Variants in TTN observed in about 807,000 individuals in gnomAD.
TTN encodes the protein titin.
Under a neutral mutation model 3,223.0 loss-of-function variants are expected in TTN, and 1,525 were observed. That is an observed-to-expected ratio of 0.47 (90% CI 0.45 to 0.49). The LOEUF (loss-of-function observed/expected upper bound fraction) is 0.49, where lower values mean the gene tolerates loss of function less well. TTN is among the 20% of genes least tolerant of loss of function. The pLI, the probability that TTN is intolerant of heterozygous loss-of-function variation, is 0.00. For synonymous variants in TTN, 14,094 were observed against 15,161.0 expected, an observed-to-expected ratio of 0.93 and a Z score of 5.17; for missense variants, 40,786 against 43,424.0, an observed-to-expected ratio of 0.94 and a Z score of 5.40.
Position 178,547,268 on chromosome 2 carries a change from A to G in TTN, c.94257T>C (p.His31419=), listed in dbSNP as rs375184682. The change falls in exon 340 of 363, where the codon CAT becomes CAC. Residue 31419 remains histidine (H), a synonymous_variant. Transcript: ENST00000589042. Reference sequence around the variant, plus strand: ...GAATAGACATGGCATTGGCAGACACATGGTAGACCTCAGGTCTGGTAGGAG... The same window carrying G: ...GAATAGACATGGCATTGGCAGACACGTGGTAGACCTCAGGTCTGGTAGGAG... ...PSAPTRPEVY[H]VSANAMSIRW... The G allele has an allele frequency of 1.9e-6, 3 of 1,613,382 alleles. No homozygotes were observed. Among genetic ancestry groups the G allele is most frequent in the African/African-American group, 2.7e-5 (2 of 74,910 alleles).
intron 57 of TTN, 22 bp downstream of exon 57, chr2:178,732,044 A>T: frequency 6.3e-7 from 1 of 1,590,766 alleles, no homozygotes; most frequent in Non-Finnish European, 8.6e-7. Context: ...TTGGCAACAC[A>T]AGAGGCAAAG....
At position 178,531,419 on chromosome 2, in the gene TTN, AT is replaced by A. The variant is rs1455514219; in HGVS notation, c.105195del (p.Ser35066HisfsTer17). On this transcript the variant is annotated frameshift_variant, in exon 358 of 363. Transcript: ENST00000589042. LOFTEE classifies it high-confidence loss of function. ...ELTRTEAYAV[S>X]SFKKTSEMEA... ...TCCATCTCAGATGTTTTCTTAAATG[AT>A]GAAACAGCATACGCCTCTGTTCTTG... is the stretch of plus-strand genomic sequence containing the variant. The A allele has an allele frequency of 6.2e-7, 1 of 1,613,976 alleles. No homozygotes were observed. The highest frequency in any genetic ancestry group is 1.3e-5 in the African/African-American group (1 of 75,042).
chr2:178,641,978 G>A (rs928208033), intron 219 of TTN, among the ~76,000 whole-genome samples: 9 of 151,264 alleles, frequency 5.9e-5, no homozygotes, highest in Non-Finnish European at 5.9e-5. Context: ...TGTTAGTTTA[G>A]AATATTATCA....
chr2:178,582,428 C>T lies in TTN; in HGVS notation c.66028G>A (p.Val22010Met), dbSNP rs759353605. The change falls in exon 314 of 363, where the codon GTG (valine) becomes ATG (methionine). Residue 22010 changes from valine to methionine, a missense_variant. Val to Met is a conservative substitution (Grantham distance 21). Transcript: ENST00000589042. ...TCCACGCTGCAGCTGGTGATAGGCA[C>T]AGTTGCAGAGACTTGAGCCCAGTTG... is the stretch of plus-strand genomic sequence containing the variant. Reference protein sequence around the residue: ...RPNWAQVSATVPITSCSVEKL... With the variant: ...RPNWAQVSATMPITSCSVEKL... 3.1e-6 allele frequency: 5 copies of T among 1,612,796 alleles called. No individual in the cohort carries two copies. Among genetic ancestry groups the T allele is most frequent in the Admixed American group, 1.7e-5 (1 of 59,926 alleles).
intron 41 of TTN, 97 bp from the exon 42 acceptor site, chr2:178,764,908 T>C (rs982479465): frequency 1.4e-6 from 2 of 1,425,492 alleles, no homozygotes; most frequent in South Asian, 1.3e-5. Context: ...TAGTTATACA[T>C]CCAGAGACAA....
Position 178,756,695 on chromosome 2 carries a change from G to C in TTN, c.10781C>G (p.Ser3594Cys), listed in dbSNP as rs753192483. The change falls in exon 46 of 363, where the codon TCT becomes TGT. Residue 3594 changes from serine to cysteine, a missense_variant. Physicochemically the swap from Ser to Cys is moderately radical, Grantham distance 112 (BLOSUM62 -1). Transcript: ENST00000589042. ...TTGAAATGACTTAATTTCCTTTTGA[G>C]ATATTTTGCTCTCCTCCTTTGTGAA... ...SSFTKEESKI[S>C]QKEIKSFQGS... The C allele has an allele frequency of 3.1e-6, 5 of 1,613,808 alleles. No individual in the cohort carries two copies. The Admixed American group carries it at 8.3e-5, about 27-fold the overall frequency.
In TTN at chr2:178,671,967, A is replaced by G; in HGVS notation, c.35227+4T>C. 12 of 1,590,304 alleles carry G rather than the reference A, an allele frequency of 7.5e-6. No individual in the cohort carries two copies. Among genetic ancestry groups the G allele is most frequent in the Non-Finnish European group, 9.4e-6 (11 of 1,174,058 alleles). ...ATTTGTAGTATTTGAAGAATTCCCT[A>G]TACCTTTAGGTGGAGCTTTTGGTTT... On this transcript the variant is annotated splice_donor_region_variant and intron_variant, in intron 155 of 362. Coordinates refer to ENST00000589042, the MANE Select transcript of TTN (RefSeq NM_001267550.2).
intron 40 of TTN, 129 bp downstream of exon 40, chr2:178,767,630 G>T: frequency 7.4e-7 from 1 of 1,353,720 alleles, no homozygotes; most frequent in Non-Finnish European, 1.0e-6. Flanking sequence ...TCTAAGCCAA[G>T]TAAGAATGAG....
rs974036901 is a variant in TTN, at chr2:178,741,493, C to G, written c.11740G>C (p.Glu3914Gln). Reference protein sequence around the residue: ...SAYLKINSKGEGHKDTETESA... With the variant: ...SAYLKINSKGQGHKDTETESA... ...TCTGTTTCAGTGTCTTTGTGACCCT[C>G]TCCTTTGGAATTAATTTTTAGATAG... The change falls in exon 48 of 363, where the codon GAG becomes CAG. Residue 3914 changes from glutamate (E) to glutamine (Q), a missense_variant. Glu to Gln is a conservative substitution (Grantham distance 29). Coordinates refer to ENST00000589042, the MANE Select transcript of TTN (RefSeq NM_001267550.2). The G allele has an allele frequency of 6.2e-7, 1 of 1,613,854 alleles. No individual in the cohort carries two copies. The highest frequency in any genetic ancestry group is 1.7e-5 in the Admixed American group (1 of 60,006).
Position 178,528,755 on chromosome 2 carries a change from G to C in TTN, c.106996C>G (p.Gln35666Glu), listed in dbSNP as rs750660824. Reference protein sequence around the residue: ...SGSDQTLTIKQASHRDEGILT... With the variant: ...SGSDQTLTIKEASHRDEGILT... Reference sequence around the variant, plus strand: ...ATTCCTTCATCTCTGTGACTGGCTTGCTTGATGGTTAGGGTCTGATCGCTG... The same window carrying C: ...ATTCCTTCATCTCTGTGACTGGCTTCCTTGATGGTTAGGGTCTGATCGCTG... The change falls in exon 360 of 363, where the codon CAA becomes GAA. Residue 35666 changes from glutamine (Q) to glutamate (E), a missense_variant. Transcript: ENST00000589042. 1.3e-5 allele frequency: 21 copies of C among 1,611,678 alleles called. No homozygotes were observed. Among genetic ancestry groups the C allele is most frequent in the African/African-American group, 4.0e-5 (3 of 74,876 alleles).
At chr2:178,778,414 A>ATGATACGGCGACCACCGAGATCTAC in intron 24 of TTN, 4 of 247,200 alleles carry the variant, frequency 1.6e-5, no homozygotes, top group Non-Finnish European at 1.6e-5. Flanking sequence ...TGAATTTGGA[A>ATGATACGGCGACCACCGAGATCTAC]ACAAAACAAA....
Position 178,616,819 on chromosome 2 carries a change from G to A in TTN, c.48070C>T (p.Pro16024Ser), listed in dbSNP as rs750357667. ...ATGCCCTTGTCTGAACGTTCACTTG[G>A]AGAAATGACAAGTTCGGCATAGGCA... ...LSAYAELVIS[P>S]SERSDKGIYT... is the part of the protein sequence containing the mutation. Residue 16024 changes from proline to serine, a missense_variant, in exon 256 of 363, where the codon CCA becomes TCA. Transcript: ENST00000589042. 2.5e-5 allele frequency: 40 copies of A among 1,612,640 alleles called. No individual in the cohort carries two copies. The highest frequency in any genetic ancestry group is 3.4e-5 in the Non-Finnish European group (40 of 1,179,170).
chr2:178,650,363 CT>C, intron 209 of TTN, 92 bp from the exon 210 acceptor site: 1 of 1,218,202 alleles, frequency 8.2e-7, no homozygotes, highest in Non-Finnish European at 1.1e-6. Context: ...ATCTTGATTT[CT>C]TCCTTTGTTT....
At chr2:178,768,962 A>G in intron 37 of TTN, 29 bp from the exon 38 acceptor site, 1 of 1,611,328 alleles carries the variant, frequency 6.2e-7, no homozygotes, top group Non-Finnish European at 8.5e-7. Flanking sequence ...AAAACACCCA[A>G]GGAGACTTTA....
Position 178,707,552 on chromosome 2 carries a change from G to A in TTN, c.29015C>T (p.Thr9672Ile), listed in dbSNP as rs769996978. The change falls in exon 100 of 363, where the codon ACT (threonine) becomes ATT (isoleucine). Residue 9672 changes from threonine (T) to isoleucine (I), a missense_variant. By Grantham distance (89) the Thr-to-Ile change is moderately conservative. Coordinates refer to ENST00000589042, the MANE Select transcript of TTN (RefSeq NM_001267550.2). ...CKASNVAGSD[T>I]TKSKVTIKDK... ...TTTAATGGTCACTTTTGATTTGGTA[G>A]TGTCACTTCCAGCCACATTTGAAGC... 98 of 1,613,344 alleles carry A rather than the reference G, an allele frequency of 6.1e-5. No homozygotes were observed. The highest frequency in any genetic ancestry group is 7.4e-5 in the Non-Finnish European group (87 of 1,179,560).
At position 178,775,822 on chromosome 2, in the gene TTN, G is replaced by C; in HGVS notation, c.6042C>G (p.Thr2014=). The change falls in exon 28 of 363, where the codon ACC becomes ACG. Residue 2014 remains threonine (T), a synonymous_variant. Transcript: ENST00000589042. ...RTEEGYYEAI[T]AVELKSRKKD... is the part of the protein sequence containing the mutation. ...TCTTTCGAGACTTGAGCTCCACAGC[G>C]GTAATGGCTTCATAATAGCCCTCTT... 6.2e-7 allele frequency: 1 copy of C among 1,613,932 alleles called. No individual in the cohort carries two copies. Among genetic ancestry groups the C allele is most frequent in the Non-Finnish European group, 8.5e-7 (1 of 1,179,956 alleles).
At position 178,732,621 on chromosome 2, in the gene TTN, T is replaced by G. The variant is rs763831832; in HGVS notation, c.16440A>C (p.Thr5480=). 6.2e-7 allele frequency: 1 copy of G among 1,613,382 alleles called. No homozygotes were observed. The highest frequency in any genetic ancestry group is 1.3e-5 in the African/African-American group (1 of 74,870). Residue 5480 remains threonine (T), a synonymous_variant, in exon 56 of 363, where the codon ACA becomes ACC. Coordinates refer to ENST00000589042, the MANE Select transcript of TTN (RefSeq NM_001267550.2). ...CTTTGTTGCCCTTAAACCATCTGAT[T>G]GTGAGAGGAGTAGATCCTTGGAAAG... ...KSTFQGSTPL[T]IRWFKGNKEL... is the part of the protein sequence containing the mutation.
intron 238 of TTN, 127 bp from the exon 239 acceptor site, chr2:178,630,494 G>C: frequency 7.9e-7 from 1 of 1,258,822 alleles, no homozygotes; most frequent in Non-Finnish European, 1.1e-6. Context: ...ATAACTTTGA[G>C]CTCTTTTTTT....
At position 178,634,762 on chromosome 2, in the gene TTN, C is replaced by T. The variant is rs2060216548; in HGVS notation, c.42112G>A (p.Ala14038Thr). 5 of 1,613,110 alleles carry T rather than the reference C, an allele frequency of 3.1e-6. No homozygotes were observed. The highest frequency in any genetic ancestry group is 4.2e-6 in the Non-Finnish European group (5 of 1,179,418). The change falls in exon 229 of 363, where the codon GCC becomes ACC. Residue 14038 changes from alanine to threonine, a missense_variant. Coordinates refer to ENST00000589042, the MANE Select transcript of TTN (RefSeq NM_001267550.2). This position sits in a 1 kb window ranked among gnomAD's most constrained non-coding sequence, Gnocchi z 4.6. ...ATGGCAGTTGTAATTGCATTAAGGG[C>T]CTGGTAGAGGACTTCACCAGCTTGG... ...LDQAGEVLYQ[A>T]LNAITTAILT...
Sources: gnomAD v4.1 joint callset for allele counts (sites outside exome capture counted in the v4.1 genomes callset) on GRCh38, gnomAD v4.1.1 for gene constraint, Gnocchi (gnomAD v3.1) non-coding constraint, MANE v1.5 for transcripts, NCBI Gene and HGNC (gene_info 2026-07-23, HGNC 2026-07-21) for gene names.